The following ZNF469 variants were observed in gnomAD, a reference collection of about 807,000 sequenced individuals.
The protein encoded by ZNF469 is zinc finger protein 469.
In ZNF469, 1 loss-of-function variant was observed where a neutral mutation model predicts 1.0. The observed-to-expected ratio is 1.00, with a 90% CI of 0.35 to 4.73. The LOEUF (loss-of-function observed/expected upper bound fraction) is 4.73. ZNF469 is among the 30% of genes most tolerant of loss of function. The pLI is 0.16. For missense variants in ZNF469, 6,100 were observed against 5,356.3 expected, an observed-to-expected ratio of 1.14 and a Z score of -4.33; for synonymous variants, 2,703 against 2,363.4, an observed-to-expected ratio of 1.14 and a Z score of -4.17.
At chr16:88,423,762 G>T (rs564382482) in intron 1 of ZNF469, among the ~76,000 whole-genome samples, 1 of 152,300 alleles carries the variant, frequency 6.6e-6, no homozygotes, top group South Asian at 2.1e-4. Flanking sequence ...GCCTCTCCAC[G>T]GGGCTGCTTG....
chr16:88,333,888 C>T, the ZNF469 span, among the ~76,000 whole-genome samples: 3 of 123,318 alleles, frequency 2.4e-5, no homozygotes, highest in Non-Finnish European at 5.9e-5. Context: ...GTTTGTGTGT[C>T]TGTGTGTGTG....
At chr16:88,398,388 GA>G (rs1904753587) in intron 1 of ZNF469, among the ~76,000 whole-genome samples, 1 of 123,562 alleles carries the variant, frequency 8.1e-6, no homozygotes, top group South Asian at 2.2e-4. Context: ...AGCCACGGAT[GA>G]AGGGACATGT....
At chr16:88,308,109 C>T in the ZNF469 span, among the ~76,000 whole-genome samples, 1 of 152,218 alleles carries the variant, frequency 6.6e-6, no homozygotes, top group South Asian at 2.1e-4. Flanking sequence ...CCCTGTTAAA[C>T]TGCCTTGGTG....
chr16:88,434,782 C>T lies in ZNF469; in HGVS notation c.7312C>T (p.Pro2438Ser), dbSNP rs546332627. The change falls in exon 3 of 3, where the codon CCC (proline) becomes TCC (serine). Residue 2438 changes from proline (P) to serine (S), a missense_variant. By Grantham distance (74) the Pro-to-Ser change is moderately conservative (BLOSUM62 -1). Coordinates refer to ENST00000565624, the MANE Select transcript of ZNF469 (RefSeq NM_001367624.2). ...NASHQTPQGD[P>S]LGPQDLKQRS... Reference sequence around the variant, plus strand: ...CTCCCACCAGACTCCCCAGGGGGACCCCCTCGGCCCCCAAGACCTCAAACA... The same window carrying T: ...CTCCCACCAGACTCCCCAGGGGGACTCCCTCGGCCCCCAAGACCTCAAACA... The T allele has an allele frequency of 6.5e-7, 1 of 1,550,370 alleles. No homozygotes were observed. Among genetic ancestry groups the T allele is most frequent in the Non-Finnish European group, 8.7e-7 (1 of 1,146,978 alleles).
Position 88,428,878 on chromosome 16 carries a change from C to G in ZNF469, c.1408C>G (p.Pro470Ala). ...TATGTTCTTTAACGGCCAGCCCAGC[C>G]CAGGCCAGCGGCTCTGCCTCCCCCA... ...RSMFFNGQPS[P>A]GQRLCLPQSA... is the part of the protein sequence containing the mutation. Residue 470 changes from proline to alanine, a missense_variant, in exon 3 of 3, where the codon CCA (proline) becomes GCA (alanine). Physicochemically the swap from Pro to Ala is conservative, Grantham distance 27. Transcript: ENST00000565624. 1 of 1,548,428 alleles carries G rather than the reference C, an allele frequency of 6.5e-7. No individual in the cohort carries two copies. The highest frequency in any genetic ancestry group is 2.4e-5 in the East Asian group (1 of 40,882).
the ZNF469 span, among the ~76,000 whole-genome samples, chr16:88,272,989 G>A: frequency 6.6e-6 from 1 of 151,660 alleles, no homozygotes; most frequent in African/African-American, 2.4e-5. Flanking sequence ...TGGATGAACG[G>A]GTGGGTGTGT....
At chr16:88,270,097 T>C in the ZNF469 span, among the ~76,000 whole-genome samples, 1 of 152,214 alleles carries the variant, frequency 6.6e-6, no homozygotes, top group Non-Finnish European at 1.5e-5. Flanking sequence ...TTTTTTTTCT[T>C]GGAGGTAAAT....
At chr16:88,375,218 A>G in the ZNF469 span, among the ~76,000 whole-genome samples, 2 of 152,236 alleles carry the variant, frequency 1.3e-5, no homozygotes, top group African/African-American at 4.8e-5. Flanking sequence ...GAGCAGCCAC[A>G]GAGTTCACCT....
the ZNF469 span, among the ~76,000 whole-genome samples, chr16:88,295,539 G>C: frequency 6.6e-6 from 1 of 152,308 alleles, no homozygotes; most frequent in South Asian, 2.1e-4. Flanking sequence ...CTGTAGCTGA[G>C]CCCCTGCTGA....
chr16:88,422,969 A>C (rs1028582991), intron 1 of ZNF469, among the ~76,000 whole-genome samples: 6 of 145,064 alleles, frequency 4.1e-5, no homozygotes, highest in African/African-American at 1.6e-4. Flanking sequence ...GGATGGATGG[A>C]TTAATGGATG....
chr16:88,254,913 T>C, the ZNF469 span, among the ~76,000 whole-genome samples: 67 of 152,298 alleles, frequency 4.4e-4, no homozygotes, highest in African/African-American at 1.5e-3. Flanking sequence ...AAAATTAACA[T>C]TGTAATGGTA....
At chr16:88,263,151 G>C in the ZNF469 span, among the ~76,000 whole-genome samples, 2 of 152,204 alleles carry the variant, frequency 1.3e-5, no homozygotes, top group Admixed American at 1.3e-4. Flanking sequence ...GCTGGCACTG[G>C]TCTGTCCAAC....
the ZNF469 span, among the ~76,000 whole-genome samples, chr16:88,151,453 C>T: frequency 6.6e-6 from 1 of 152,208 alleles, no homozygotes; most frequent in Non-Finnish European, 1.5e-5. This position sits in a 1 kb window ranked among gnomAD's most constrained non-coding sequence, Gnocchi z 5.4. Flanking sequence ...CAGACTCTCC[C>T]TGCTTCCAAC....
chr16:88,250,746 C>A, the ZNF469 span, among the ~76,000 whole-genome samples: 2 of 152,138 alleles, frequency 1.3e-5, no homozygotes, highest in Admixed American at 1.3e-4. Context: ...TTCTTCCAAC[C>A]CCAATCTGTT....
the ZNF469 span, among the ~76,000 whole-genome samples, chr16:88,373,729 G>A: frequency 6.6e-6 from 1 of 152,204 alleles, no homozygotes; most frequent in Non-Finnish European, 1.5e-5. Flanking sequence ...GGGTGCGGTG[G>A]CTCACGCCTA....
chr16:88,423,609 T>G (rs936544898), intron 1 of ZNF469, among the ~76,000 whole-genome samples: 1 of 152,174 alleles, frequency 6.6e-6, no homozygotes, highest in African/African-American at 2.4e-5. Context: ...TGGTTCTGGC[T>G]CAAATTCCCT....
At chr16:88,357,628 G>A in the ZNF469 span, among the ~76,000 whole-genome samples, 2 of 152,142 alleles carry the variant, frequency 1.3e-5, no homozygotes, top group South Asian at 2.1e-4. Flanking sequence ...AGGGGAAGAG[G>A]GGGGGCCCGG....
At chr16:88,385,080 G>A (rs537721534) in intron 1 of ZNF469, among the ~76,000 whole-genome samples, 1 of 152,282 alleles carries the variant, frequency 6.6e-6, no homozygotes, top group African/African-American at 2.4e-5. Context: ...GGTCATTTCT[G>A]ACTTGACATT....
At chr16:88,380,047 T>TCA (rs959394164), upstream of ZNF469, among the ~76,000 whole-genome samples, 1 of 151,882 alleles carries the variant, frequency 6.6e-6, no homozygotes, top group Admixed American at 6.6e-5. Context: ...ACACATGCAG[T>TCA]CACACACACA....
Sources: allele counts gnomAD v4.1 joint callset (sites outside exome capture counted in the v4.1 genomes callset), GRCh38; gene constraint gnomAD v4.1.1; non-coding constraint Gnocchi (gnomAD v3.1); transcripts MANE v1.5; gene names NCBI Gene and HGNC (gene_info 2026-07-23, HGNC 2026-07-21).